The following DOCK9 variants were observed in gnomAD, a reference collection of about 807,000 sequenced individuals.
DOCK9 encodes the protein dedicator of cytokinesis 9.
In DOCK9, 89 loss-of-function variants were observed where a neutral mutation model predicts 263.3. The ratio of observed to expected loss-of-function variants is 0.34; its 90% CI spans 0.28 to 0.40. The LOEUF is 0.40. Among genes scored for constraint, DOCK9 ranks in the 10% least tolerant of loss-of-function variants. DOCK9 has a pLI of 1.00. For missense variants in DOCK9, 2,140 were observed against 2,603.4 expected, an observed-to-expected ratio of 0.82 and a Z score of 3.87; for synonymous variants, 976 against 973.1, an observed-to-expected ratio of 1.00 and a Z score of -0.06.
At chr13:98,990,423 T>C (rs1447844455) in intron 1 of DOCK9, among the ~76,000 whole-genome samples, 1 of 152,260 alleles carries the variant, frequency 6.6e-6, no homozygotes, top group African/African-American at 2.4e-5. Context: ...TAAAAAATCT[T>C]AAGCAAGTTT....
At chr13:98,947,697 G>A (rs750790958) in intron 2 of DOCK9, among the ~76,000 whole-genome samples, 4 of 152,004 alleles carry the variant, frequency 2.6e-5, no homozygotes, top group Non-Finnish European at 5.9e-5. Context: ...GTAGAGACAG[G>A]GTTTCACCAT....
At position 98,920,986 on chromosome 13, in the gene DOCK9, T is replaced by C. The variant is rs1390444054; in HGVS notation, c.685A>G (p.Ile229Val). The C allele has an allele frequency of 6.2e-7, 1 of 1,608,000 alleles. No individual in the cohort carries two copies. Among genetic ancestry groups the C allele is most frequent in the East Asian group, 2.2e-5 (1 of 44,796 alleles). The change falls in exon 7 of 53, where the codon ATA becomes GTA. Residue 229 changes from isoleucine (I) to valine (V), a missense_variant. Physicochemically the swap from Ile to Val is conservative, Grantham distance 29 (BLOSUM62 3). Transcript: ENST00000682017. Reference sequence around the variant, plus strand: ...ACACCCATACAGGAATCCAGAAATATTGATCCTTTTGGTTCTTTGGAGATC... The same window carrying C: ...ACACCCATACAGGAATCCAGAAATACTGATCCTTTTGGTTCTTTGGAGATC... ...EKISKEPKGSIFLDSCMGVVQ... is the reference protein window; with the variant it reads ...EKISKEPKGSVFLDSCMGVVQ...
intron 1 of DOCK9, among the ~76,000 whole-genome samples, chr13:99,008,212 C>CTCTCTCTCTCTCTCTCTATATATATA (rs1433985064): frequency 1.3e-5 from 1 of 79,166 alleles, no homozygotes; most frequent in Non-Finnish European, 2.6e-5. Context: ...CTCTCTCTCT[C>CTCTCTCTCTCTCTCTCTATATATATA]TATATATATA....
chr13:99,072,292 T>C (rs986060685), intron 1 of DOCK9, among the ~76,000 whole-genome samples: 6 of 152,162 alleles, frequency 3.9e-5, no homozygotes, highest in African/African-American at 1.4e-4. Context: ...ACAGTGTGCA[T>C]TGAGCCTTAA....
chr13:99,072,863 T>C (rs1384199430), intron 1 of DOCK9, among the ~76,000 whole-genome samples: 1 of 152,116 alleles, frequency 6.6e-6, no homozygotes, highest in Admixed American at 6.5e-5. Flanking sequence ...CCAGGCATCA[T>C]GGCACACACT....
intron 45 of DOCK9, among the ~76,000 whole-genome samples, chr13:98,817,326 C>A (rs147378168): frequency 2.0e-5 from 3 of 152,066 alleles, no homozygotes; most frequent in African/African-American, 4.8e-5. Context: ...AGTTACCTGA[C>A]GCCTCCTAGC....
intron 45 of DOCK9, among the ~76,000 whole-genome samples, chr13:98,813,630 T>C (rs1189279691): frequency 6.6e-6 from 1 of 151,992 alleles, no homozygotes; most frequent in East Asian, 1.9e-4. Context: ...AATATATATT[T>C]TTTTAATTTT....
intron 1 of DOCK9, among the ~76,000 whole-genome samples, chr13:99,082,568 A>AAATAAATAAAT (rs1566405814): frequency 3.0e-3 from 102 of 33,544 alleles, no homozygotes; most frequent in African/African-American, 8.0e-3. Flanking sequence ...AATAAATAAA[A>AAATAAATAAAT]AAAAACAGCT....
At chr13:98,975,826 A>G (rs2390129) in intron 1 of DOCK9, among the ~76,000 whole-genome samples, 22,609 of 152,248 alleles carry the variant, frequency 0.15, 2,418 homozygotes, top group East Asian at 0.43. Flanking sequence ...AATGATAGAC[A>G]GTCTTGGGGA....
At chr13:99,075,355 C>T (rs1356522160) in intron 1 of DOCK9, among the ~76,000 whole-genome samples, 2 of 121,980 alleles carry the variant, frequency 1.6e-5, no homozygotes, top group Non-Finnish European at 1.7e-5. Context: ...AGCTGTAGTA[C>T]TTTTTTTTTT....
intron 36 of DOCK9, among the ~76,000 whole-genome samples, chr13:98,849,434 C>CTTTTTTTTTTTTTTTTT (rs34901221): frequency 6.7e-6 from 1 of 148,568 alleles, no homozygotes; most frequent in Non-Finnish European, 1.5e-5. Context: ...TGCAGAAATT[C>CTTTTTTTTTTTTTTTTT]TTTTTTTTTT....
intron 1 of DOCK9, among the ~76,000 whole-genome samples, chr13:99,062,443 T>A (rs2041233464): frequency 6.6e-6 from 1 of 152,192 alleles, no homozygotes; most frequent in African/African-American, 2.4e-5. Flanking sequence ...ATCTCTGGTC[T>A]GACAAGTTTT....
At chr13:98,884,416 T>C (rs2142858101) in intron 21 of DOCK9, among the ~76,000 whole-genome samples, 1 of 152,376 alleles carries the variant, frequency 6.6e-6, no homozygotes, top group African/African-American at 2.4e-5. Flanking sequence ...TTTGGCATCA[T>C]TTAAATGCAG....
chr13:99,036,245 T>C (rs1167225824), intron 1 of DOCK9, among the ~76,000 whole-genome samples: 1 of 152,166 alleles, frequency 6.6e-6, no homozygotes, highest in Non-Finnish European at 1.5e-5. Flanking sequence ...AATTCTTATG[T>C]TGAAACCCTA....
intron 13 of DOCK9, among the ~76,000 whole-genome samples, chr13:98,899,071 T>TTTA (rs1319451607): frequency 6.6e-6 from 1 of 151,248 alleles, no homozygotes; most frequent in Non-Finnish European, 1.5e-5. Flanking sequence ...TTTTTTTTTT[T>TTTA]ACTGAAGGGT....
chr13:99,000,754 C>T (rs1332032929), intron 1 of DOCK9, among the ~76,000 whole-genome samples: 3 of 152,164 alleles, frequency 2.0e-5, no homozygotes, highest in African/African-American at 7.2e-5. Context: ...AACAACTCCC[C>T]TCCAAAATGC....
At chr13:98,893,449 C>G (rs2046933232) in intron 15 of DOCK9, among the ~76,000 whole-genome samples, 1 of 152,140 alleles carries the variant, frequency 6.6e-6, no homozygotes. Context: ...AAATCAAATA[C>G]AAAGTACCAA....
At chr13:98,892,572 T>G (rs1327099198) in intron 15 of DOCK9, among the ~76,000 whole-genome samples, 5 of 152,216 alleles carry the variant, frequency 3.3e-5, no homozygotes, top group African/African-American at 1.2e-4. Context: ...TGAGTTTATG[T>G]CTAAGAAGAA....
chr13:98,847,847 G>GA (rs1043549618), intron 37 of DOCK9, among the ~76,000 whole-genome samples: 13 of 152,106 alleles, frequency 8.5e-5, no homozygotes, highest in Non-Finnish European at 1.3e-4. Flanking sequence ...TCACAACACA[G>GA]AAAAAAACAA....
Sources: gnomAD v4.1 joint callset for allele counts (sites outside exome capture counted in the v4.1 genomes callset) on GRCh38, gnomAD v4.1.1 for gene constraint, MANE v1.5 for transcripts, NCBI Gene and HGNC (gene_info 2026-07-23, HGNC 2026-07-21) for gene names.